Variants in CDC14A observed in about 807,000 individuals in gnomAD.
The protein encoded by CDC14A is dual specificity protein phosphatase CDC14A.
Under a neutral mutation model 74.4 loss-of-function variants are expected in CDC14A, and 53 were observed. That is an observed-to-expected ratio of 0.71 (90% CI 0.57 to 0.89). CDC14A has a LOEUF of 0.89. Among genes scored for constraint, CDC14A ranks in the 40% least tolerant of loss-of-function variants. The probability of loss-of-function intolerance (pLI) is 0.00; values close to 1 mark genes in which losing one functional copy is unlikely to be tolerated. For missense variants in CDC14A, 646 were observed against 713.7 expected, an observed-to-expected ratio of 0.91 and a Z score of 1.08; for synonymous variants, 247 against 258.4, an observed-to-expected ratio of 0.96 and a Z score of 0.43.
At chr1:100,369,989 AATT>A (rs1654232017) in intron 2 of CDC14A, among the ~76,000 whole-genome samples, 2 of 147,948 alleles carry the variant, frequency 1.4e-5, no homozygotes, top group South Asian at 4.3e-4. Flanking sequence ...TAAAAAAAAA[AATT>A]TTTTTTTTGG....
At chr1:100,516,404 G>A (rs1445134811) in intron 15 of CDC14A, among the ~76,000 whole-genome samples, 3 of 152,208 alleles carry the variant, frequency 2.0e-5, no homozygotes, top group South Asian at 4.1e-4. Flanking sequence ...TCTGTTTATT[G>A]ATAATTGATG....
intron 11 of CDC14A, among the ~76,000 whole-genome samples, chr1:100,487,762 C>T (rs150616222): frequency 6.6e-6 from 1 of 152,260 alleles, no homozygotes; most frequent in East Asian, 1.9e-4. Context: ...TGAGCCTGGA[C>T]TTCAGTGCTG....
At position 100,519,857 on chromosome 1, in the gene CDC14A, T is replaced by C. The variant is rs1179555250; in HGVS notation, c.*1577T>C. 1 of 152,424 alleles carries C rather than the reference T, an allele frequency of 6.6e-6. No individual in the cohort carries two copies. The highest frequency in any genetic ancestry group is 6.5e-5 in the Admixed American group (1 of 15,274). 9.4% of individuals were successfully genotyped at this position (152,424 alleles called of 1,614,324 possible). ...TTATTATAAAAATTGGTTAATTGTA[T>C]AGGAAGATGACAGTATTTTTTTCAA... is the stretch of plus-strand genomic sequence containing the variant. On this transcript the variant is annotated 3_prime_UTR_variant, in exon 16 of 16. Coordinates refer to ENST00000336454, the MANE Select transcript of CDC14A (RefSeq NM_003672.4).
intron 9 of CDC14A, among the ~76,000 whole-genome samples, chr1:100,465,875 G>C (rs1182250790): frequency 6.6e-6 from 1 of 152,194 alleles, no homozygotes; most frequent in African/African-American, 2.4e-5. Context: ...ATTGGTGTTT[G>C]ACTTGGTATA....
chr1:100,515,816 T>C (rs569546856), intron 15 of CDC14A, among the ~76,000 whole-genome samples: 65 of 152,384 alleles, frequency 4.3e-4, no homozygotes, highest in African/African-American at 1.4e-3. Flanking sequence ...CTTTATACCA[T>C]ATAAAGAAAC....
At chr1:100,483,806 G>A (rs1423098347) in intron 10 of CDC14A, among the ~76,000 whole-genome samples, 1 of 152,122 alleles carries the variant, frequency 6.6e-6, no homozygotes, top group African/African-American at 2.4e-5. Flanking sequence ...TTAAAGTTAT[G>A]TGTGAGGGCC....
chr1:100,489,164 C>A (rs1253369423), intron 11 of CDC14A, among the ~76,000 whole-genome samples: 4 of 152,176 alleles, frequency 2.6e-5, no homozygotes, highest in Non-Finnish European at 5.9e-5. Context: ...CCAGCACTTA[C>A]ATCTCATAGG....
Position 100,366,252 on chromosome 1 carries a change from C to T in CDC14A, c.141-11294C>T, listed in dbSNP as rs1653583037. On this transcript the variant is annotated intron_variant, in intron 2 of 15. Transcript: ENST00000336454. ...GTTAATTTTTTTTGTATTGCAAGTACTCTGTGATGAATATGCTAACTAGTA... is the reference window on the plus strand; with the variant it reads ...GTTAATTTTTTTTGTATTGCAAGTATTCTGTGATGAATATGCTAACTAGTA... Among the ~76,000 whole-genome samples, 3 of 152,278 alleles carry T rather than the reference C, an allele frequency of 2.0e-5. No individual in the cohort carries two copies. In the South Asian group the frequency reaches 6.2e-4, roughly 32 times the overall value.
At chr1:100,499,725 T>A (rs1648487953) in intron 15 of CDC14A, among the ~76,000 whole-genome samples, 1 of 152,182 alleles carries the variant, frequency 6.6e-6, no homozygotes, top group Non-Finnish European at 1.5e-5. Context: ...TTTGGAGTAT[T>A]GAAACGTGGA....
intron 4 of CDC14A, among the ~76,000 whole-genome samples, chr1:100,398,759 T>C (rs1658882674): frequency 6.6e-6 from 1 of 152,172 alleles, no homozygotes; most frequent in African/African-American, 2.4e-5. Flanking sequence ...GGTATTTTCA[T>C]GTAACAGGCC....
chr1:100,412,364 G>A (rs1472841142), intron 4 of CDC14A, among the ~76,000 whole-genome samples: 1 of 152,028 alleles, frequency 6.6e-6, no homozygotes, highest in Non-Finnish European at 1.5e-5. Context: ...ATGCCATGAG[G>A]TCAGGAACAT....
chr1:100,515,907 A>G (rs957999996), intron 15 of CDC14A, among the ~76,000 whole-genome samples: 8 of 152,354 alleles, frequency 5.3e-5, no homozygotes, highest in South Asian at 2.1e-4. Context: ...TATGTTCAGT[A>G]ATTATTTGTT....
chr1:100,356,368 G>A (rs1004388514), intron 2 of CDC14A, among the ~76,000 whole-genome samples: 30 of 152,142 alleles, frequency 2.0e-4, no homozygotes, highest in African/African-American at 7.2e-4. Context: ...CTGTGAGACA[G>A]GCACTATTAT....
intron 11 of CDC14A, chr1:100,485,680 G>A (rs1669959544): frequency 6.6e-6 from 1 of 152,248 alleles, no homozygotes; most frequent in African/African-American, 2.4e-5. Flanking sequence ...AAATACTGTG[G>A]CTCAAGCTTA....
intron 15 of CDC14A, among the ~76,000 whole-genome samples, chr1:100,505,349 G>GT (rs1181537811): frequency 2.6e-5 from 4 of 152,078 alleles, no homozygotes; most frequent in Non-Finnish European, 5.9e-5. Context: ...TTTGACAAAC[G>GT]TAAGAACAAT....
At chr1:100,349,200 A>G (rs1422255763), upstream of CDC14A, among the ~76,000 whole-genome samples, 4 of 149,734 alleles carry the variant, frequency 2.7e-5, no homozygotes, top group Non-Finnish European at 6.0e-5. Context: ...CGTCTAGAGA[A>G]AAAAAAAAAA....
At chr1:100,444,950 A>G (rs948325243) in intron 7 of CDC14A, among the ~76,000 whole-genome samples, 1 of 152,184 alleles carries the variant, frequency 6.6e-6, no homozygotes, top group Admixed American at 6.5e-5. Flanking sequence ...AGTTTTTTTT[A>G]ATACCATAAA....
intron 10 of CDC14A, among the ~76,000 whole-genome samples, chr1:100,477,546 G>A (rs1669031064): frequency 6.6e-6 from 1 of 151,882 alleles, no homozygotes; most frequent in Non-Finnish European, 1.5e-5. Context: ...AGAGAGACAA[G>A]GACTTATCAA....
chr1:100,444,941 GT>G (rs540422795), intron 7 of CDC14A, among the ~76,000 whole-genome samples: 5 of 151,844 alleles, frequency 3.3e-5, no homozygotes, highest in Non-Finnish European at 5.9e-5. Context: ...CCCAAAGAGA[GT>G]TTTTTTTAAT....
Sources: allele counts gnomAD v4.1 joint callset (sites outside exome capture counted in the v4.1 genomes callset), GRCh38; gene constraint gnomAD v4.1.1; transcripts MANE v1.5; gene names NCBI Gene and HGNC (gene_info 2026-07-23, HGNC 2026-07-21).